Variants in SLC20A2 observed in about 807,000 individuals in gnomAD.
The protein encoded by SLC20A2 is solute carrier family 20 member 2, also known as sodium-dependent phosphate transporter 2.
A neutral mutation model predicts 61.0 loss-of-function variants in SLC20A2; 30 were observed. The observed-to-expected ratio is 0.49, with a 90% CI of 0.37 to 0.67. SLC20A2 has a LOEUF of 0.67. Among genes scored for constraint, SLC20A2 ranks in the 30% least tolerant of loss-of-function variants. SLC20A2 has a pLI of 0.00. For synonymous variants in SLC20A2, 351 were observed against 353.3 expected (o/e 0.99, Z 0.07); for missense variants, 626 against 866.4 (o/e 0.72, Z 3.48).
At chr8:42,498,851 A>T (rs565467484) in intron 1 of SLC20A2, among the ~76,000 whole-genome samples, 8 of 152,304 alleles carry the variant, frequency 5.3e-5, no homozygotes, top group African/African-American at 1.9e-4. Flanking sequence ...CGCAGTTCCC[A>T]TTTAGCCATG....
chr8:42,515,063 T>C (rs1811249954), intron 1 of SLC20A2, among the ~76,000 whole-genome samples: 1 of 152,252 alleles, frequency 6.6e-6, no homozygotes, highest in South Asian at 2.1e-4. Context: ...TAACATGTAT[T>C]GATCTCATTG....
At chr8:42,423,703 T>A (rs1316014444) in intron 10 of SLC20A2, among the ~76,000 whole-genome samples, 4 of 152,246 alleles carry the variant, frequency 2.6e-5, no homozygotes, top group Non-Finnish European at 5.9e-5. Context: ...GACAGTAATT[T>A]CTGAGTTCTT....
At chr8:42,480,039 T>C (rs142490494) in intron 1 of SLC20A2, among the ~76,000 whole-genome samples, 133 of 152,220 alleles carry the variant, frequency 8.7e-4, no homozygotes, top group African/African-American at 2.9e-3. Context: ...ATTATGATCA[T>C]AGAAAAGAAG....
chr8:42,461,469 T>C (rs1025252904), intron 4 of SLC20A2, among the ~76,000 whole-genome samples: 1 of 151,832 alleles, frequency 6.6e-6, no homozygotes, highest in Non-Finnish European at 1.5e-5. Context: ...TTTTTTTTTT[T>C]TAGACAGAGT....
At chr8:42,531,351 A>C (rs1359887299) in intron 1 of SLC20A2, among the ~76,000 whole-genome samples, 4 of 152,194 alleles carry the variant, frequency 2.6e-5, no homozygotes, top group African/African-American at 9.7e-5. Context: ...CTCACAATTA[A>C]GGCAGGCTCA....
chr8:42,533,654 C>CTTTTTTTCTTTTTCTTTTTTTTTTTTTT (rs1253260874), intron 1 of SLC20A2, among the ~76,000 whole-genome samples: 1 of 55,310 alleles, frequency 1.8e-5, no homozygotes, highest in African/African-American at 8.1e-5. Flanking sequence ...ATCAACTGTT[C>CTTTTTTTCTTTTTCTTTTTTTTTTTTTT]TTTTTTTTTT....
chr8:42,480,382 G>T (rs553053001), intron 1 of SLC20A2: 4 of 152,102 alleles, frequency 2.6e-5, no homozygotes, highest in African/African-American at 9.6e-5. Context: ...ACACTACAAG[G>T]TACATTTTTT....
At chr8:42,529,339 T>C (rs1424101598) in intron 1 of SLC20A2, among the ~76,000 whole-genome samples, 2 of 152,128 alleles carry the variant, frequency 1.3e-5, no homozygotes, top group Non-Finnish European at 2.9e-5. Context: ...AAAAATAAAA[T>C]GTAATACAAC....
At chr8:42,491,299 G>C (rs1366434540) in intron 1 of SLC20A2, among the ~76,000 whole-genome samples, 6 of 152,126 alleles carry the variant, frequency 3.9e-5, no homozygotes, top group Non-Finnish European at 8.8e-5. Context: ...CGATCACCAG[G>C]TCAGGAGTTC....
intron 1 of SLC20A2, among the ~76,000 whole-genome samples, chr8:42,540,731 G>GTA (rs1813054350): frequency 6.6e-6 from 1 of 152,188 alleles, no homozygotes; most frequent in Non-Finnish European, 1.5e-5. Flanking sequence ...TAATCAAAAT[G>GTA]TATAGTAAAG....
chr8:42,532,851 G>C (rs1276463586), intron 1 of SLC20A2, among the ~76,000 whole-genome samples: 2 of 152,186 alleles, frequency 1.3e-5, no homozygotes, highest in Non-Finnish European at 2.9e-5. Context: ...CAGGTGCGCA[G>C]GCGGGAGGGC....
intron 1 of SLC20A2, among the ~76,000 whole-genome samples, chr8:42,528,966 C>CTAT (rs113173529): frequency 0.45 from 67,399 of 148,306 alleles, 17,593 homozygotes; most frequent in Non-Finnish European, 0.58. Context: ...CGAGCCCGGC[C>CTAT]TATTATTATT....
intron 5 of SLC20A2, among the ~76,000 whole-genome samples, chr8:42,455,241 AATATAT>A (rs71548582): frequency 6.8e-5 from 7 of 102,596 alleles, no homozygotes; most frequent in Non-Finnish European, 1.2e-4. Flanking sequence ...AAAAAAAAAA[AATATAT>A]ATATATATAT....
intron 1 of SLC20A2, chr8:42,541,483 C>A (rs1167626799): frequency 7.1e-6 from 1 of 141,038 alleles, no homozygotes; most frequent in Non-Finnish European, 1.5e-5. Context: ...GCCGCCGCTG[C>A]GTCTCTCCGG....
intron 10 of SLC20A2, among the ~76,000 whole-genome samples, chr8:42,421,085 G>A (rs916171855): frequency 1.3e-5 from 2 of 152,124 alleles, no homozygotes; most frequent in African/African-American, 4.8e-5. Context: ...ACAACATCTG[G>A]TTTTCCCATC....
chr8:42,505,815 T>G (rs1385731363), upstream of SLC20A2, among the ~76,000 whole-genome samples: 1 of 150,764 alleles, frequency 6.6e-6, no homozygotes, highest in South Asian at 2.1e-4. Flanking sequence ...CAGTTGAACC[T>G]GGGAGGCGGG....
In SLC20A2 at chr8:42,439,501, G is replaced by T; in HGVS notation, c.883C>A (p.Leu295Met). The T allele has an allele frequency of 6.2e-7, 1 of 1,614,184 alleles. No homozygotes were observed. Residue 295 changes from leucine to methionine, a missense_variant, in exon 7 of 11, where the codon CTG becomes ATG. Leu to Met is a conservative substitution (Grantham distance 15). Transcript: ENST00000520262. ...IPLTGAAGET[L>M]GTSEGTSAGS... ...GCAGAAGTGCCTTCCGAGGTCCCCA[G>T]TGTCTCCCCTGCTGCTCCCGTGAGC... is the stretch of plus-strand genomic sequence containing the variant.
chr8:42,460,616 AATTT>A (rs1806621996), intron 4 of SLC20A2, among the ~76,000 whole-genome samples: 1 of 152,242 alleles, frequency 6.6e-6, no homozygotes, highest in Non-Finnish European at 1.5e-5. Context: ...CTTGTTGAAT[AATTT>A]ATTTGCCATT....
At chr8:42,527,487 T>TA (rs934281618) in intron 1 of SLC20A2, among the ~76,000 whole-genome samples, 7 of 151,834 alleles carry the variant, frequency 4.6e-5, no homozygotes, top group African/African-American at 1.7e-4. Flanking sequence ...TTTTTAAAAA[T>TA]GGGGAAAAGG....
Sources: allele counts gnomAD v4.1 joint callset (sites outside exome capture counted in the v4.1 genomes callset), GRCh38; gene constraint gnomAD v4.1.1; transcripts MANE v1.5; gene names NCBI Gene and HGNC (gene_info 2026-07-23, HGNC 2026-07-21).